The following EIF4E3 variants were observed in gnomAD, a reference collection of about 807,000 sequenced individuals.
The protein encoded by EIF4E3 is eukaryotic translation initiation factor 4E type 3.
In EIF4E3, 26 loss-of-function variants were observed where a neutral mutation model predicts 31.7. That is an observed-to-expected ratio of 0.82 (90% confidence interval 0.60 to 1.14). The LOEUF (loss-of-function observed/expected upper bound fraction) is 1.14, where lower values mean the gene tolerates loss of function less well. Ranked by LOEUF, EIF4E3 falls within the 50% of genes most tolerant of loss-of-function variation. The pLI is 0.00. For missense variants in EIF4E3, 304 were observed against 270.9 expected (o/e 1.12, Z -0.86); for synonymous variants, 128 against 107.7 (o/e 1.19, Z -1.17).
At chr3:71,717,429 G>A (rs969165973) in intron 1 of EIF4E3, among the ~76,000 whole-genome samples, 2 of 152,238 alleles carry the variant, frequency 1.3e-5, no homozygotes, top group Non-Finnish European at 2.9e-5. Flanking sequence ...ATCCTTATAT[G>A]TGAAGGACAG....
chr3:71,716,375 A>G (rs2049465964), intron 1 of EIF4E3, among the ~76,000 whole-genome samples: 1 of 152,068 alleles, frequency 6.6e-6, no homozygotes, highest in African/African-American at 2.4e-5. Context: ...TGGGACTACA[A>G]GCACCCGCCA....
chr3:71,706,687 G>C (rs1466245176), intron 2 of EIF4E3, among the ~76,000 whole-genome samples: 1 of 152,126 alleles, frequency 6.6e-6, no homozygotes, highest in Non-Finnish European at 1.5e-5. Context: ...GGGTGTGGTA[G>C]CACATGGCTA....
chr3:71,698,296 C>G (rs549935454), intron 3 of EIF4E3, among the ~76,000 whole-genome samples: 2 of 152,282 alleles, frequency 1.3e-5, no homozygotes, highest in East Asian at 3.9e-4. Flanking sequence ...TGCAGAGAGG[C>G]TCGCTTGACT....
In EIF4E3 at chr3:71,725,260, C is replaced by T; in HGVS notation, c.108G>A (p.Gln36=). 9.5e-7 allele frequency: 1 copy of T among 1,048,466 alleles called. No individual in the cohort carries two copies. The highest frequency in any genetic ancestry group is 1.1e-6 in the Non-Finnish European group (1 of 872,538). The allele number at this position is 1,048,466 out of a possible 1,614,324, so 64.9% of individuals were successfully genotyped here. A position where few individuals can be genotyped will look rare whatever the true frequency, so the allele number is the denominator to read the frequency against. Residue 36 remains glutamine, a synonymous_variant, in exon 1 of 7, where the codon CAG becomes CAA. Coordinates refer to ENST00000425534, the MANE Select transcript of EIF4E3 (RefSeq NM_001134651.2). This position sits in a 1 kb window ranked among gnomAD's most constrained non-coding sequence, Gnocchi z 6.1. ...CCGGCTCAGGCTGCAGCGCCGACAG[C>T]TGCTGCAGGCCGAGCGGCGGCTCGG... ...AAPEPPLGLQ[Q]LSALQPEPGG... is the part of the protein sequence containing the mutation.
intron 1 of EIF4E3, among the ~76,000 whole-genome samples, chr3:71,740,173 AAAGG>A (rs2049805772): frequency 6.6e-6 from 1 of 152,134 alleles, no homozygotes. Flanking sequence ...AAAATAGGAA[AAAGG>A]AAGCAAAGAG....
chr3:71,684,857 ATTTAT>A, intron 6 of EIF4E3, 129 bp from the exon 7 acceptor site: 1 of 831,208 alleles, frequency 1.2e-6, no homozygotes, highest in Non-Finnish European at 1.8e-6. Flanking sequence ...CACCTTATTT[ATTTAT>A]TTATTTTTTT....
chr3:71,662,857 A>G, the EIF4E3 span, among the ~76,000 whole-genome samples: 18 of 152,344 alleles, frequency 1.2e-4, no homozygotes, highest in South Asian at 3.7e-3. Context: ...GAGAGAAGCC[A>G]GCTCCATGAA....
intron 1 of EIF4E3, among the ~76,000 whole-genome samples, chr3:71,721,150 T>C (rs1482558130): frequency 2.6e-5 from 4 of 152,144 alleles, no homozygotes; most frequent in African/African-American, 9.7e-5. Flanking sequence ...AGGCTGGAGA[T>C]GGAGACTTGC....
chr3:71,754,266 C>A, upstream of EIF4E3: 1 of 1,227,150 alleles, frequency 8.1e-7, no homozygotes. The surrounding 1 kb of genome is among the most constrained non-coding windows in gnomAD (Gnocchi z 5.8). Context: ...CGCCTGCCTC[C>A]CGGCCGTCAT....
At chr3:71,724,380 C>CA (rs1402220674) in intron 1 of EIF4E3, among the ~76,000 whole-genome samples, 12 of 152,056 alleles carry the variant, frequency 7.9e-5, no homozygotes, top group African/African-American at 2.9e-4. Flanking sequence ...TGAAAGTAAA[C>CA]AAATTCATAT....
chr3:71,734,982 T>A (rs2049746678), intron 1 of EIF4E3, among the ~76,000 whole-genome samples: 3 of 152,316 alleles, frequency 2.0e-5, no homozygotes, highest in Admixed American at 2.0e-4. Flanking sequence ...CAGGCTGGAA[T>A]GAAATTATTG....
intron 5 of EIF4E3, 121 bp downstream of exon 5, chr3:71,693,754 C>CCAAAATAAA: frequency 1.0e-6 from 1 of 962,968 alleles, no homozygotes; most frequent in East Asian, 2.9e-5. Context: ...CTTTGTAGTT[C>CCAAAATAAA]CAAAATAAAC....
At chr3:71,707,788 A>C (rs1470132884) in intron 2 of EIF4E3, among the ~76,000 whole-genome samples, 1 of 151,914 alleles carries the variant, frequency 6.6e-6, no homozygotes, top group East Asian at 1.9e-4. Flanking sequence ...GCCCCCACTG[A>C]GAATGTGCAG....
rs964173370 is a variant in EIF4E3, at chr3:71,690,074, C to T, written c.564G>A (p.Ala188=). Residue 188 remains alanine, a synonymous_variant, in exon 6 of 7, where the codon GCG becomes GCA. Transcript: ENST00000425534. Reference sequence around the variant, plus strand: ...GTTCATAGATCTTTTCTAAAACAGTCGCTTCACCCACTAAAGAGGCATTTA... The same window carrying T: ...GTTCATAGATCTTTTCTAAAACAGTTGCTTCACCCACTAAAGAGGCATTTA... ...WNVNASLVGE[A]TVLEKIYELL... 10 of 1,613,620 alleles carry T rather than the reference C, an allele frequency of 6.2e-6. No individual in the cohort carries two copies. Among genetic ancestry groups the T allele is most frequent in the Non-Finnish European group, 8.5e-6 (10 of 1,179,914 alleles).
intron 2 of EIF4E3, among the ~76,000 whole-genome samples, chr3:71,699,931 G>A (rs921429962): frequency 1.3e-5 from 2 of 152,152 alleles, no homozygotes; most frequent in Non-Finnish European, 2.9e-5. Context: ...CCAGCACTTT[G>A]GGAGGCCAAG....
rs115990441 is a variant in EIF4E3 at position 71,746,839 on chromosome 3, G to T, written c.-291+6624C>A. Among the ~76,000 whole-genome samples the T allele has an allele frequency of 6.9e-3, 1,057 of 152,178 alleles. 7 individuals are homozygous for T. Among genetic ancestry groups the T allele is most frequent in the Non-Finnish European group, 0.012 (828 of 68,010 alleles). ...TACTAACCAACTTTCTATCACTATGGATTTACCTGTTCTGGGCATTTCATG... is the reference window on the plus strand; with the variant it reads ...TACTAACCAACTTTCTATCACTATGTATTTACCTGTTCTGGGCATTTCATG... On this transcript the variant is annotated intron_variant, in intron 1 of 7. Transcript: ENST00000295612.
Position 71,725,333 on chromosome 3 carries a change from C to G in EIF4E3, c.35G>C (p.Gly12Ala), listed in dbSNP as rs1262228075. ...GCGGGACCCCGGCGGCTCCCGGGCC[C>G]CGGCGGGGGGCGCGGCGGCCGGGGG... is the stretch of plus-strand genomic sequence containing the variant. ...ALPPAAAPPAGAREPPGSRAA... is the reference protein window; with the variant it reads ...ALPPAAAPPAAAREPPGSRAA... The change falls in exon 1 of 7, where the codon GGG becomes GCG. Residue 12 changes from glycine (G) to alanine (A), a missense_variant. Coordinates refer to ENST00000425534, the MANE Select transcript of EIF4E3 (RefSeq NM_001134651.2). The surrounding 1 kb of genome is among the most constrained non-coding windows in gnomAD (Gnocchi z 6.1). 2 of 973,154 alleles carry G rather than the reference C, an allele frequency of 2.1e-6. No homozygotes were observed. Among genetic ancestry groups the G allele is most frequent in the African/African-American group, 3.6e-5 (2 of 56,314 alleles). 60.3% of individuals were successfully genotyped at this position (973,154 alleles called of 1,614,324 possible).
At chr3:71,704,221 G>C (rs1374540430) in intron 2 of EIF4E3, among the ~76,000 whole-genome samples, 1 of 152,180 alleles carries the variant, frequency 6.6e-6, no homozygotes, top group African/African-American at 2.4e-5. Flanking sequence ...CACATAGAAA[G>C]TTAGTAAAAA....
chr3:71,691,259 C>A (rs1449859195), intron 5 of EIF4E3, among the ~76,000 whole-genome samples: 2 of 152,144 alleles, frequency 1.3e-5, no homozygotes, highest in African/African-American at 4.8e-5. Flanking sequence ...TCTAAATATT[C>A]ATGCCATCAG....
Sources: gnomAD v4.1 joint callset for allele counts (sites outside exome capture counted in the v4.1 genomes callset) on GRCh38, gnomAD v4.1.1 for gene constraint, Gnocchi (gnomAD v3.1) non-coding constraint, MANE v1.5 for transcripts, NCBI Gene and HGNC (gene_info 2026-07-23, HGNC 2026-07-21) for gene names.